DOCK9: variants seen among roughly 807,000 people sequenced by gnomAD.
DOCK9 encodes dedicator of cytokinesis protein 9.
A neutral mutation model predicts 263.3 loss-of-function variants in DOCK9; 89 were observed. That is an observed-to-expected ratio of 0.34 (90% CI 0.28 to 0.40). DOCK9 has a LOEUF of 0.40. Ranked by LOEUF, DOCK9 falls within the 10% of genes least tolerant of loss-of-function variation. The probability of loss-of-function intolerance (pLI) is 1.00; values close to 1 mark genes in which losing one functional copy is unlikely to be tolerated. For missense variants in DOCK9, 2,140 were observed against 2,603.4 expected (o/e 0.82, Z 3.87); for synonymous variants, 976 against 973.1 (o/e 1.00, Z -0.06).
intron 2 of DOCK9, among the ~76,000 whole-genome samples, chr13:98,936,279 C>T (rs2054814952): frequency 6.6e-6 from 1 of 152,086 alleles, no homozygotes; most frequent in African/African-American, 2.4e-5. Flanking sequence ...TTTACCCCAC[C>T]AGATTGCAAA....
chr13:99,008,235 T>TATATATATATATATATATATA, intron 1 of DOCK9, among the ~76,000 whole-genome samples: 1 of 58,104 alleles, frequency 1.7e-5, no homozygotes, highest in South Asian at 7.0e-4. Flanking sequence ...TATATATATA[T>TATATATATATATATATATATA]TTTTTTTTTT....
At chr13:99,045,455 T>C (rs1213057372) in intron 1 of DOCK9, among the ~76,000 whole-genome samples, 1 of 151,936 alleles carries the variant, frequency 6.6e-6, no homozygotes, top group Non-Finnish European at 1.5e-5. Context: ...TCTAAAAAAG[T>C]CAAACTTACA....
intron 1 of DOCK9, among the ~76,000 whole-genome samples, chr13:99,049,661 T>G (rs2040597111): frequency 6.6e-6 from 1 of 152,136 alleles, no homozygotes; most frequent in Admixed American, 6.5e-5. Context: ...ACCACAGGTG[T>G]GCGCCACAGC....
intron 2 of DOCK9, among the ~76,000 whole-genome samples, chr13:98,951,535 C>A (rs567931206): frequency 6.6e-6 from 1 of 152,292 alleles, no homozygotes; most frequent in Middle Eastern, 3.4e-3. Flanking sequence ...GGGCGGGATG[C>A]CTGCGTGCAA....
intron 11 of DOCK9, 58 bp from the exon 12 acceptor site, chr13:98,902,549 T>C: frequency 6.5e-7 from 1 of 1,528,346 alleles, no homozygotes; most frequent in Non-Finnish European, 8.9e-7. Context: ...CAAAAGAATG[T>C]TGCTATCAAA....
chr13:99,013,585 G>C (rs1332571098), intron 1 of DOCK9, among the ~76,000 whole-genome samples: 2 of 152,186 alleles, frequency 1.3e-5, no homozygotes, highest in Non-Finnish European at 2.9e-5. Flanking sequence ...TAAGCAGGGG[G>C]TCACAGGAGC....
At chr13:98,894,202 A>G (rs952997059) in intron 15 of DOCK9, among the ~76,000 whole-genome samples, 16 of 152,218 alleles carry the variant, frequency 1.1e-4, no homozygotes, top group African/African-American at 3.9e-4. Flanking sequence ...CAGCCTAGGA[A>G]GTAACTTCTG....
At chr13:98,853,303 G>C in intron 35 of DOCK9, 105 bp downstream of exon 35, 1 of 708,820 alleles carries the variant, frequency 1.4e-6, no homozygotes, top group South Asian at 2.3e-5. Context: ...TTTTAAACAA[G>C]AAAATCCTTT....
intron 1 of DOCK9, among the ~76,000 whole-genome samples, chr13:98,989,687 T>C (rs1348419719): frequency 6.6e-6 from 1 of 152,140 alleles, no homozygotes; most frequent in Non-Finnish European, 1.5e-5. Context: ...AAGCCAAAAG[T>C]TTACCATCCT....
intron 33 of DOCK9, chr13:98,860,096 C>A: frequency 1.0e-6 from 1 of 964,464 alleles, no homozygotes; most frequent in Non-Finnish European, 1.3e-6. Flanking sequence ...CAAAAATATC[C>A]CTTAACAGTA....
chr13:99,050,816 G>C (rs578005200), intron 1 of DOCK9, among the ~76,000 whole-genome samples: 2 of 152,124 alleles, frequency 1.3e-5, no homozygotes, highest in Non-Finnish European at 2.9e-5. Context: ...TTAATGTGTC[G>C]TTGCTCTAAA....
chr13:98,819,453 A>G (rs2092122999), intron 45 of DOCK9, among the ~76,000 whole-genome samples: 1 of 152,240 alleles, frequency 6.6e-6, no homozygotes, highest in Admixed American at 6.5e-5. Context: ...CAGAGGGCAG[A>G]AAGCAGCAGT....
chr13:98,817,552 C>G (rs993846629), intron 45 of DOCK9, among the ~76,000 whole-genome samples: 7 of 148,574 alleles, frequency 4.7e-5, no homozygotes, highest in African/African-American at 1.8e-4. Context: ...CTCTGCCTTC[C>G]AAAGTGCTGG....
At chr13:98,871,157 G>C (rs1053225955) in intron 27 of DOCK9, among the ~76,000 whole-genome samples, 6 of 152,182 alleles carry the variant, frequency 3.9e-5, no homozygotes, top group Non-Finnish European at 7.3e-5. Context: ...TTATCTGTTA[G>C]AGATGACATG....
At position 98,921,009 on chromosome 13, in the gene DOCK9, A is replaced by G. The variant is rs770733511; in HGVS notation, c.662T>C (p.Ile221Thr). Residue 221 changes from isoleucine (I) to threonine (T), a missense_variant, in exon 7 of 53, where the codon ATC becomes ACC. Coordinates refer to ENST00000682017, the MANE Select transcript of DOCK9 (RefSeq NM_001366683.2). ...TATTGATCCTTTTGGTTCTTTGGAG[A>G]TCTTTTCATCTTTATAAAAATTCAA... The part of the protein sequence containing the change: ...YNLNFYKDEK[I>T]SKEPKGSIFL... The G allele has an allele frequency of 6.2e-7, 1 of 1,604,504 alleles. No individual in the cohort carries two copies. Among genetic ancestry groups the G allele is most frequent in the Non-Finnish European group, 8.5e-7 (1 of 1,174,822 alleles).
intron 21 of DOCK9, among the ~76,000 whole-genome samples, 157 bp downstream of exon 21, chr13:98,884,814 C>G (rs1431746163): frequency 6.6e-6 from 1 of 152,198 alleles, no homozygotes; most frequent in East Asian, 1.9e-4. Flanking sequence ...ACAGCACTGT[C>G]TTCAATTGGC....
Position 98,885,281 on chromosome 13 carries a change from T to C in DOCK9, c.2261-189A>G, listed in dbSNP as rs2045507245. On this transcript the variant is annotated intron_variant, in intron 20 of 52. Coordinates refer to ENST00000682017, the MANE Select transcript of DOCK9 (RefSeq NM_001366683.2). ...CAATGTACTTAGGCCTTTTCGGGGT[T>C]AGAATTCTACAATCTTCTTTTATAA... 5 of 771,400 alleles carry C rather than the reference T, an allele frequency of 6.5e-6. No individual in the cohort carries two copies. In the South Asian group the frequency reaches 9.9e-5, roughly 15 times the overall value. The allele number at this position is 771,400 out of a possible 1,614,324, so 47.8% of individuals were successfully genotyped here.
At chr13:98,922,601 T>C (rs1228182714) in intron 5 of DOCK9, among the ~76,000 whole-genome samples, 2 of 152,176 alleles carry the variant, frequency 1.3e-5, no homozygotes, top group Non-Finnish European at 2.9e-5. Flanking sequence ...GGGAGGAAAT[T>C]GAGGCAATAC....
chr13:98,797,342 A>G, intron 51 of DOCK9, 47 bp downstream of exon 51: 1 of 1,609,626 alleles, frequency 6.2e-7, no homozygotes, highest in African/African-American at 1.3e-5. Context: ...ATGAGTACAG[A>G]AATGATCAAT....
Sources: gnomAD v4.1 joint callset for allele counts (sites outside exome capture counted in the v4.1 genomes callset) on GRCh38, gnomAD v4.1.1 for gene constraint, MANE v1.5 for transcripts, NCBI Gene and HGNC (gene_info 2026-07-23, HGNC 2026-07-21) for gene names.